The following ADAMTS3 variants were observed in gnomAD, a reference collection of about 807,000 sequenced individuals.
ADAMTS3 encodes the protein ADAM metallopeptidase with thrombospondin type 1 motif 3, also known as A disintegrin and metalloproteinase with thrombospondin motifs 3.
A neutral mutation model predicts 129.0 loss-of-function variants in ADAMTS3; 73 were observed. That is an observed-to-expected ratio of 0.57 (90% CI 0.47 to 0.69). ADAMTS3 has a LOEUF of 0.69. Among genes scored for constraint, ADAMTS3 ranks in the 30% least tolerant of loss-of-function variants. The pLI is 0.00. For synonymous variants in ADAMTS3, 477 were observed against 510.8 expected (o/e 0.93, Z 0.89); for missense variants, 1,457 against 1,514.5 (o/e 0.96, Z 0.63).
At chr4:72,479,324 T>G (rs535693501) in intron 3 of ADAMTS3, among the ~76,000 whole-genome samples, 1 of 152,252 alleles carries the variant, frequency 6.6e-6, no homozygotes, top group South Asian at 2.1e-4. Flanking sequence ...CAAAACAGCA[T>G]GGTACTGGTA....
At chr4:72,317,893 G>A (rs769314851) in intron 10 of ADAMTS3, among the ~76,000 whole-genome samples, 1 of 152,078 alleles carries the variant, frequency 6.6e-6, no homozygotes, top group Non-Finnish European at 1.5e-5. Flanking sequence ...GCTGGCGGTG[G>A]TGGTGCATGC....
At chr4:72,399,016 C>G (rs190459240) in intron 4 of ADAMTS3, among the ~76,000 whole-genome samples, 1 of 152,330 alleles carries the variant, frequency 6.6e-6, no homozygotes, top group East Asian at 1.9e-4. Flanking sequence ...CTATGTCACA[C>G]TAGTTGTTCT....
intron 3 of ADAMTS3, among the ~76,000 whole-genome samples, chr4:72,469,991 T>C (rs1010676303): frequency 2.6e-5 from 4 of 152,110 alleles, no homozygotes; most frequent in East Asian, 1.9e-4. Flanking sequence ...AAAAGTTACA[T>C]ACAGACATTT....
chr4:72,461,056 C>T (rs1718755856), intron 3 of ADAMTS3, among the ~76,000 whole-genome samples: 2 of 151,466 alleles, frequency 1.3e-5, no homozygotes, highest in Non-Finnish European at 3.0e-5. Flanking sequence ...TTCTACATGC[C>T]AGGCATATAG....
intron 3 of ADAMTS3, among the ~76,000 whole-genome samples, chr4:72,517,773 C>T (rs1265102894): frequency 2.0e-5 from 3 of 151,262 alleles, no homozygotes; most frequent in Admixed American, 6.6e-5. Flanking sequence ...TTTGTTGATC[C>T]TTTCAAAAAA....
intron 3 of ADAMTS3, among the ~76,000 whole-genome samples, chr4:72,443,616 T>C (rs1264189849): frequency 6.6e-6 from 1 of 151,652 alleles, no homozygotes; most frequent in African/African-American, 2.4e-5. Flanking sequence ...GCACAATCTG[T>C]ATTAAAATAA....
chr4:72,465,087 C>T (rs1718883990), intron 3 of ADAMTS3, among the ~76,000 whole-genome samples: 1 of 151,938 alleles, frequency 6.6e-6, no homozygotes, highest in African/African-American at 2.4e-5. Context: ...AATAAATAAA[C>T]ACCATTGCTT....
At chr4:72,367,366 T>C (rs773316469) in intron 4 of ADAMTS3, among the ~76,000 whole-genome samples, 2 of 152,136 alleles carry the variant, frequency 1.3e-5, no homozygotes, top group Non-Finnish European at 2.9e-5. Context: ...CATTTCAATA[T>C]TGAAAATATA....
intron 3 of ADAMTS3, among the ~76,000 whole-genome samples, chr4:72,525,135 T>G (rs1560550588): frequency 6.6e-6 from 1 of 152,188 alleles, no homozygotes. Context: ...CATTCACCTG[T>G]TAGGTGCACT....
chr4:72,354,190 T>C, intron 4 of ADAMTS3, among the ~76,000 whole-genome samples: 1 of 151,994 alleles, frequency 6.6e-6, no homozygotes, highest in East Asian at 1.9e-4. Context: ...AGATAAAATA[T>C]TCCTAGAAGC....
chr4:72,462,461 C>T (rs1039415791), intron 3 of ADAMTS3, among the ~76,000 whole-genome samples: 1 of 151,942 alleles, frequency 6.6e-6, no homozygotes, highest in African/African-American at 2.4e-5. Flanking sequence ...ATCAAAGAAA[C>T]ATGAGTGCAT....
intron 17 of ADAMTS3, among the ~76,000 whole-genome samples, chr4:72,302,152 A>G (rs1022563189): frequency 1.3e-5 from 2 of 152,110 alleles, no homozygotes; most frequent in African/African-American, 4.8e-5. Flanking sequence ...GACACCTTAC[A>G]ATTTATCTTC....
chr4:72,357,488 TATA>T (rs1720610744), intron 4 of ADAMTS3, among the ~76,000 whole-genome samples: 1 of 151,932 alleles, frequency 6.6e-6, no homozygotes, highest in African/African-American at 2.4e-5. Flanking sequence ...AGCTCATAGA[TATA>T]ATGTTAAGTA....
At chr4:72,544,164 A>G (rs1463743859) in intron 3 of ADAMTS3, among the ~76,000 whole-genome samples, 1 of 152,140 alleles carries the variant, frequency 6.6e-6, no homozygotes, top group Non-Finnish European at 1.5e-5. Context: ...GTAGTCTAGT[A>G]TTGCTCAAAA....
At chr4:72,434,614 C>T (rs1722775687) in intron 3 of ADAMTS3, among the ~76,000 whole-genome samples, 1 of 151,772 alleles carries the variant, frequency 6.6e-6, no homozygotes, top group African/African-American at 2.4e-5. Flanking sequence ...TGAGTGTGGG[C>T]AGGACCTGTG....
chr4:72,300,716 C>T (rs2109784495), intron 17 of ADAMTS3, among the ~76,000 whole-genome samples: 1 of 152,178 alleles, frequency 6.6e-6, no homozygotes, highest in Non-Finnish European at 1.5e-5. Flanking sequence ...GTTTCACTGT[C>T]CCATGTTCTC....
At chr4:72,480,441 A>C (rs991798342) in intron 3 of ADAMTS3, among the ~76,000 whole-genome samples, 84 of 152,280 alleles carry the variant, frequency 5.5e-4, no homozygotes, top group African/African-American at 1.9e-3. Context: ...AAACTATCGC[A>C]AGGACAAAAA....
At chr4:72,503,518 C>T (rs1017506525) in intron 3 of ADAMTS3, among the ~76,000 whole-genome samples, 2 of 152,088 alleles carry the variant, frequency 1.3e-5, no homozygotes, top group African/African-American at 4.8e-5. Context: ...TGCTTTATGG[C>T]CAAGCATGTG....
chr4:72,499,411 A>C (rs1271918505), intron 3 of ADAMTS3, among the ~76,000 whole-genome samples: 1 of 152,164 alleles, frequency 6.6e-6, no homozygotes, highest in Non-Finnish European at 1.5e-5. Context: ...CTCCTCCTAC[A>C]GGTGGACAAG....
Sources: gnomAD v4.1 joint callset for allele counts (sites outside exome capture counted in the v4.1 genomes callset) on GRCh38, gnomAD v4.1.1 for gene constraint, MANE v1.5 for transcripts, NCBI Gene and HGNC (gene_info 2026-07-23, HGNC 2026-07-21) for gene names.